The following SPATA31H1 variants were observed in gnomAD, a reference collection of about 807,000 sequenced individuals.
The protein encoded by SPATA31H1 is SPATA31 subfamily H member 1.
the SPATA31H1 span, among the ~76,000 whole-genome samples, chr2:27,555,404 G>GGAA: frequency 1.3e-5 from 2 of 151,868 alleles, no homozygotes; most frequent in Non-Finnish European, 2.9e-5. Context: ...ATGTGCTATG[G>GGAA]TTCATGCCTG....
At chr2:27,582,368 C>T in the SPATA31H1 span, 1 of 1,614,212 alleles carries the variant, frequency 6.2e-7, no homozygotes, top group Admixed American at 1.7e-5. Context: ...CTGAGAGGAG[C>T]CGACGCAGTC....
chr2:27,581,945 C>T, the SPATA31H1 span: 1 of 1,613,592 alleles, frequency 6.2e-7, no homozygotes, highest in Non-Finnish European at 8.5e-7. Context: ...AAAGCCATCA[C>T]AGTCCCTCTG....
the SPATA31H1 span, among the ~76,000 whole-genome samples, chr2:27,561,033 T>C: frequency 1.3e-5 from 2 of 152,144 alleles, no homozygotes; most frequent in African/African-American, 2.4e-5. Flanking sequence ...TGTGGGAAGG[T>C]CTTCTACTGG....
the SPATA31H1 span, among the ~76,000 whole-genome samples, chr2:27,542,124 C>T: frequency 2.6e-5 from 4 of 151,946 alleles, no homozygotes; most frequent in Admixed American, 6.5e-5. Context: ...TGGCTGGGCG[C>T]GGTGGCTCAT....
the SPATA31H1 span, chr2:27,574,915 A>C: frequency 2.5e-6 from 1 of 398,536 alleles, no homozygotes; most frequent in South Asian, 1.3e-4. Flanking sequence ...CCAGCGACAA[A>C]GCTTCAAAAA....
At chr2:27,560,458 G>A in the SPATA31H1 span, among the ~76,000 whole-genome samples, 1 of 149,790 alleles carries the variant, frequency 6.7e-6, no homozygotes, top group Non-Finnish European at 1.5e-5. Context: ...TCCTCAAAGA[G>A]TATTTTTTTT....
At chr2:27,552,586 A>G in the SPATA31H1 span, among the ~76,000 whole-genome samples, 2 of 151,992 alleles carry the variant, frequency 1.3e-5, no homozygotes, top group African/African-American at 4.8e-5. Context: ...GTAATTCCAT[A>G]TGAATTTTAG....
chr2:27,543,813 G>A, the SPATA31H1 span, among the ~76,000 whole-genome samples: 2 of 151,892 alleles, frequency 1.3e-5, no homozygotes, highest in Non-Finnish European at 2.9e-5. Context: ...CCCTACCCAA[G>A]GTTCTCCTAC....
chr2:27,580,256 A>G, the SPATA31H1 span: 1 of 1,614,190 alleles, frequency 6.2e-7, no homozygotes, highest in South Asian at 1.1e-5. Context: ...CTGCTCCTGT[A>G]CAAGTCTACA....
At chr2:27,563,865 C>G in the SPATA31H1 span, among the ~76,000 whole-genome samples, 1 of 151,938 alleles carries the variant, frequency 6.6e-6, no homozygotes, top group Admixed American at 6.6e-5. Flanking sequence ...CTGGCTGCCC[C>G]AGCTAATTTT....
the SPATA31H1 span, chr2:27,580,730 A>T: frequency 6.2e-7 from 1 of 1,614,098 alleles, no homozygotes; most frequent in African/African-American, 1.3e-5. Flanking sequence ...ATTTGTGGGC[A>T]AGCAAAAACT....
chr2:27,552,895 C>A, the SPATA31H1 span, among the ~76,000 whole-genome samples: 4 of 151,914 alleles, frequency 2.6e-5, no homozygotes, highest in Non-Finnish European at 5.9e-5. Context: ...GGTTTCTTTC[C>A]GATATTCTGT....
the SPATA31H1 span, chr2:27,565,218 C>A: frequency 1.6e-6 from 1 of 633,122 alleles, no homozygotes; most frequent in Middle Eastern, 3.3e-4. Flanking sequence ...CCAACTGTAT[C>A]AATATCTGAT....
At chr2:27,567,152 A>T in the SPATA31H1 span, 1 of 676,974 alleles carries the variant, frequency 1.5e-6, no homozygotes, top group African/African-American at 1.8e-5. Context: ...AAAAAAGGAA[A>T]AAAAATGATG....
the SPATA31H1 span, chr2:27,576,688 C>G: frequency 1.9e-6 from 3 of 1,614,040 alleles, no homozygotes; most frequent in Non-Finnish European, 2.5e-6. Flanking sequence ...AAGTTCCCAT[C>G]AGGACCACTG....
At chr2:27,560,504 C>G in the SPATA31H1 span, among the ~76,000 whole-genome samples, 1 of 150,552 alleles carries the variant, frequency 6.6e-6, no homozygotes, top group Non-Finnish European at 1.5e-5. Flanking sequence ...GTCACCCAGG[C>G]TGGAGTGCAG....
the SPATA31H1 span, among the ~76,000 whole-genome samples, chr2:27,563,385 C>CTTTTTTTT: frequency 8.3e-4 from 57 of 68,732 alleles, 16 homozygotes; most frequent in East Asian, 2.4e-3. Flanking sequence ...TCTTCTACTT[C>CTTTTTTTT]TTTTTTTTTT....
At chr2:27,542,199 C>T in the SPATA31H1 span, among the ~76,000 whole-genome samples, 2,913 of 152,048 alleles carry the variant, frequency 0.019, 136 homozygotes, top group African/African-American at 0.067. Context: ...GAGTTCGAGA[C>T]CAGCCTGGCA....
the SPATA31H1 span, chr2:27,566,473 G>A: frequency 1.5e-6 from 1 of 671,740 alleles, no homozygotes; most frequent in East Asian, 2.7e-5. Flanking sequence ...GAGGGAGAGA[G>A]GGAGAAGAGA....
Sources: gnomAD v4.1 joint callset for allele counts (sites outside exome capture counted in the v4.1 genomes callset) on GRCh38, gnomAD v4.1.1 for gene constraint, MANE v1.5 for transcripts, NCBI Gene and HGNC (gene_info 2026-07-23, HGNC 2026-07-21) for gene names.